Variants in C19orf38 observed in about 807,000 individuals in gnomAD.
C19orf38 encodes chromosome 19 open reading frame 38.
Under a neutral mutation model 26.6 loss-of-function variants are expected in C19orf38, and 14 were observed. That is an observed-to-expected ratio of 0.53 (90% CI 0.35 to 0.82). The LOEUF (loss-of-function observed/expected upper bound fraction) is 0.82, where lower values mean the gene tolerates loss of function less well. C19orf38 is among the 40% of genes least tolerant of loss of function. The pLI, the probability that C19orf38 is intolerant of heterozygous loss-of-function variation, is 0.01. For synonymous variants in C19orf38, 132 were observed against 128.5 expected (o/e 1.03, Z -0.18); for missense variants, 261 against 299.5 (o/e 0.87, Z 0.95).
intron 3 of C19orf38, among the ~76,000 whole-genome samples, chr19:10,856,622 G>C (rs539751284): frequency 2.2e-4 from 33 of 152,018 alleles, no homozygotes; most frequent in Non-Finnish European, 4.4e-4. Flanking sequence ...TCCTGCCTCA[G>C]CCTCTCAAGT....
At chr19:10,863,745 C>G (rs2073725817) in intron 6 of C19orf38, among the ~76,000 whole-genome samples, 1 of 152,070 alleles carries the variant, frequency 6.6e-6, no homozygotes, top group Non-Finnish European at 1.5e-5. Flanking sequence ...GAAACCTCAT[C>G]TCTGCTAAAT....
rs1269612433 is a variant in C19orf38, at chr19:10,848,448, T to C, written c.-61T>C. On this transcript the variant is annotated 5_prime_UTR_variant, in exon 1 of 7. Transcript: ENST00000397820. Reference sequence around the variant, plus strand: ...CCCGATCTGGCCTCACAGGAGGAGTTGGCGGGGAGCCTTGGGCCCCTCTGG... The same window carrying C: ...CCCGATCTGGCCTCACAGGAGGAGTCGGCGGGGAGCCTTGGGCCCCTCTGG... The C allele has an allele frequency of 6.5e-7, 1 of 1,534,286 alleles. No individual in the cohort carries two copies. Among genetic ancestry groups the C allele is most frequent in the Non-Finnish European group, 8.8e-7 (1 of 1,131,534 alleles).
intron 5 of C19orf38, among the ~76,000 whole-genome samples, chr19:10,862,663 C>T (rs1367214891): frequency 6.6e-6 from 1 of 152,036 alleles, no homozygotes; most frequent in East Asian, 1.9e-4. Flanking sequence ...ATCCCTATCT[C>T]TACTAAGAAT....
rs563372715 is a variant in C19orf38 at position 10,849,498 on chromosome 19, T to C, written c.32-761T>C. On this transcript the variant is annotated intron_variant, in intron 1 of 6. Coordinates refer to ENST00000397820, the MANE Select transcript of C19orf38 (RefSeq NM_001136482.3). Reference sequence around the variant, plus strand: ...ACTTGAGGTGAGGATCTGGGCAACATAGTGAGATCCCATCTCTACACAAAA... The same window carrying C: ...ACTTGAGGTGAGGATCTGGGCAACACAGTGAGATCCCATCTCTACACAAAA... Among the ~76,000 whole-genome samples the C allele has an allele frequency of 5.8e-4, 88 of 152,106 alleles. 1 individual carries two copies. The highest frequency in any genetic ancestry group is 2.0e-3 in the African/African-American group (83 of 41,500).
chr19:10,853,648 G>T (rs2073595496), intron 2 of C19orf38, among the ~76,000 whole-genome samples: 1 of 140,368 alleles, frequency 7.1e-6, no homozygotes, highest in Admixed American at 7.3e-5. Flanking sequence ...GGAGTACAGT[G>T]GCACGATCTC....
chr19:10,859,278 GTATGTGTGTGTGTATA>G (rs2073665338), intron 4 of C19orf38, among the ~76,000 whole-genome samples: 5 of 80,138 alleles, frequency 6.2e-5, no homozygotes, highest in South Asian at 3.9e-4. Context: ...GTGTGTGTGT[GTATGTGTGTGTGTATA>G]TGTGTGTGTG....
At chr19:10,854,116 G>T (rs560739194) in intron 2 of C19orf38, among the ~76,000 whole-genome samples, 6 of 149,378 alleles carry the variant, frequency 4.0e-5, no homozygotes, top group Admixed American at 6.7e-5. Flanking sequence ...AGGCTGAAGT[G>T]CAGTGGCCCA....
At chr19:10,842,133 A>C in intron 1 of C19orf38, 1 of 1,581,930 alleles carries the variant, frequency 6.3e-7, no homozygotes, top group Non-Finnish European at 8.7e-7. Context: ...TGACTCATTC[A>C]CTCAGGCCCA....
intron 3 of C19orf38, among the ~76,000 whole-genome samples, 178 bp downstream of exon 3, chr19:10,856,535 G>A (rs1316331135): frequency 2.0e-5 from 3 of 151,956 alleles, no homozygotes; most frequent in Non-Finnish European, 4.4e-5. Context: ...ACAGAGGCTC[G>A]CTCTGTCGCC....
At chr19:10,857,520 TC>T (rs1028331342) in intron 3 of C19orf38, among the ~76,000 whole-genome samples, 2 of 145,154 alleles carry the variant, frequency 1.4e-5, no homozygotes, top group Non-Finnish European at 3.0e-5. Context: ...TTAAAGTGAT[TC>T]TCCTGCCTCA....
At position 10,850,394 on chromosome 19, in the gene C19orf38, A is replaced by C; in HGVS notation, c.167A>C (p.Gln56Pro). Residue 56 changes from glutamine (Q) to proline (P), a missense_variant, in exon 2 of 7, where the codon CAG becomes CCG. By Grantham distance (76) the Gln-to-Pro change is moderately conservative (BLOSUM62 -1). Coordinates refer to ENST00000397820, the MANE Select transcript of C19orf38 (RefSeq NM_001136482.3). ...GANFTLYRGG[Q>P]VVQLLQAPTD... ...AATTTCACACTGTATCGAGGGGGGC[A>C]GGTGGTCCAGCTCCTGCAGGCCCCC... The C allele has an allele frequency of 1.3e-6, 2 of 1,550,862 alleles. No individual in the cohort carries two copies. The highest frequency in any genetic ancestry group is 1.7e-6 in the Non-Finnish European group (2 of 1,146,524).
At chr19:10,856,746 C>T (rs748946235) in intron 3 of C19orf38, among the ~76,000 whole-genome samples, 13 of 151,812 alleles carry the variant, frequency 8.6e-5, no homozygotes, top group East Asian at 1.9e-4. Flanking sequence ...TCAGGTGATC[C>T]GCCCACCTCG....
intron 2 of C19orf38, among the ~76,000 whole-genome samples, chr19:10,855,140 C>T (rs1376789971): frequency 2.1e-5 from 3 of 145,714 alleles, no homozygotes; most frequent in African/African-American, 7.6e-5. Flanking sequence ...TGGGTTCAAT[C>T]GATTCTCCTG....
At chr19:10,868,537 C>G (rs1362103030) in intron 6 of C19orf38, among the ~76,000 whole-genome samples, 1 of 151,916 alleles carries the variant, frequency 6.6e-6, no homozygotes, top group Non-Finnish European at 1.5e-5. Flanking sequence ...TTTTTGAGAC[C>G]AAGTCTCACT....
At chr19:10,854,762 T>A (rs1338030748) in intron 2 of C19orf38, among the ~76,000 whole-genome samples, 1 of 152,084 alleles carries the variant, frequency 6.6e-6, no homozygotes, top group Non-Finnish European at 1.5e-5. Flanking sequence ...GGGTCTACCG[T>A]TGGGCTGGGG....
chr19:10,838,428 A>T lies in C19orf38; in HGVS notation c.-69+1658A>T, dbSNP rs533476353. On this transcript the variant is annotated intron_variant, in intron 1 of 7. Transcript: ENST00000592854. Reference sequence around the variant, plus strand: ...CCGTGTCAAAAAGAAAATAAAAATAACCATTTTAAAATTAACAATTCAGTG... The same window carrying T: ...CCGTGTCAAAAAGAAAATAAAAATATCCATTTTAAAATTAACAATTCAGTG... Among the ~76,000 whole-genome samples, 4 of 152,240 alleles carry T rather than the reference A, an allele frequency of 2.6e-5. No homozygotes were observed. In the South Asian group the frequency reaches 8.3e-4, roughly 32 times the overall value.
chr19:10,863,082 TG>T, intron 5 of C19orf38, 87 bp from the exon 6 acceptor site: 1 of 1,384,524 alleles, frequency 7.2e-7, no homozygotes, highest in Non-Finnish European at 1.0e-6. Flanking sequence ...TGCTTCCCTG[TG>T]GGCTGGGGGG....
At chr19:10,851,123 T>A (rs1246386348) in intron 2 of C19orf38, among the ~76,000 whole-genome samples, 1 of 152,206 alleles carries the variant, frequency 6.6e-6, no homozygotes, top group Non-Finnish European at 1.5e-5. Context: ...GGCACGATCT[T>A]GGCTCACTGC....
At chr19:10,842,101 G>A (rs978228537) in intron 1 of C19orf38, 31 of 1,583,574 alleles carry the variant, frequency 2.0e-5, no homozygotes, top group Non-Finnish European at 2.7e-5. Flanking sequence ...ACTCCCGTAG[G>A]TAATGCTGCT....
Sources: gnomAD v4.1 joint callset for allele counts (sites outside exome capture counted in the v4.1 genomes callset) on GRCh38, gnomAD v4.1.1 for gene constraint, MANE v1.5 for transcripts, NCBI Gene and HGNC (gene_info 2026-07-23, HGNC 2026-07-21) for gene names.